Variants in ACACA observed in about 807,000 individuals in gnomAD.
ACACA encodes acetyl-CoA carboxylase 1.
A neutral mutation model predicts 296.1 loss-of-function variants in ACACA; 103 were observed. The ratio of observed to expected loss-of-function variants is 0.35; its 90% CI spans 0.30 to 0.41. The LOEUF is 0.41. ACACA is among the 10% of genes least tolerant of loss of function. The pLI, the probability that ACACA is intolerant of heterozygous loss-of-function variation, is 1.00. For missense variants in ACACA, 1,554 were observed against 2,989.7 expected (o/e 0.52, Z 11.20); for synonymous variants, 953 against 1,038.6 (o/e 0.92, Z 1.58).
In ACACA at chr17:37,171,684, C is replaced by T. The variant is rs575252044; in HGVS notation, c.5079+7576G>A. On this transcript the variant is annotated intron_variant, in intron 41 of 55. Transcript: ENST00000616317. ...CGATAAAAGGGTAAGAAAAATATAA[C>T]TTAGAGCAAAAAATTTTCATCCCAG... Among the ~76,000 whole-genome samples the T allele has an allele frequency of 3.9e-5, 6 of 151,902 alleles. No individual in the cohort carries two copies. The East Asian group carries it at 1.2e-3, about 29-fold the overall frequency.
chr17:37,107,576 A>C (rs2073762530), intron 52 of ACACA, among the ~76,000 whole-genome samples: 1 of 152,220 alleles, frequency 6.6e-6, no homozygotes, highest in South Asian at 2.1e-4. Context: ...GGCCAGCAGC[A>C]GTGCTCACTC....
chr17:37,221,487 A>G, intron 29 of ACACA: 2 of 569,374 alleles, frequency 3.5e-6, no homozygotes, highest in South Asian at 4.5e-5. Flanking sequence ...CCTCAGTGAC[A>G]TAATACAAGC....
At chr17:37,151,007 G>A (rs1234391747) in intron 44 of ACACA, among the ~76,000 whole-genome samples, 5 of 151,336 alleles carry the variant, frequency 3.3e-5, no homozygotes, top group Non-Finnish European at 5.9e-5. Flanking sequence ...AGCTGAGATC[G>A]TGCCACTGCA....
chr17:37,171,171 G>GT (rs575948048), intron 41 of ACACA, among the ~76,000 whole-genome samples: 53 of 151,978 alleles, frequency 3.5e-4, no homozygotes, highest in Admixed American at 1.8e-3. Flanking sequence ...ATGATCTTGA[G>GT]TTTTTTTTGG....
chr17:37,309,156 G>C (rs1398290379), intron 3 of ACACA, among the ~76,000 whole-genome samples: 1 of 151,996 alleles, frequency 6.6e-6, no homozygotes, highest in Non-Finnish European at 1.5e-5. Flanking sequence ...CGAGTAGCTA[G>C]GAATACAGGC....
At chr17:37,144,384 A>C (rs915020969) in intron 45 of ACACA, 1 of 414,726 alleles carries the variant, frequency 2.4e-6, no homozygotes, top group African/African-American at 2.1e-5. Context: ...AACCTCTTTA[A>C]GTTATGTGAA....
At chr17:37,352,969 G>A (rs1047341107) in intron 1 of ACACA, among the ~76,000 whole-genome samples, 5 of 152,270 alleles carry the variant, frequency 3.3e-5, no homozygotes, top group African/African-American at 7.2e-5. Flanking sequence ...CAGTTGCCCC[G>A]TGATGCCTTA....
At chr17:37,399,458 A>T (rs1248971332) in intron 1 of ACACA, among the ~76,000 whole-genome samples, 1 of 152,192 alleles carries the variant, frequency 6.6e-6, no homozygotes, top group Non-Finnish European at 1.5e-5. Flanking sequence ...AAATGATGCA[A>T]AATAATTTAG....
intron 14 of ACACA, among the ~76,000 whole-genome samples, chr17:37,256,179 T>A (rs988983555): frequency 2.6e-5 from 4 of 152,184 alleles, no homozygotes; most frequent in Non-Finnish European, 5.9e-5. Flanking sequence ...TTAAAAAAAA[T>A]TAACACTTTG....
intron 3 of ACACA, among the ~76,000 whole-genome samples, chr17:37,309,466 A>G (rs1228025121): frequency 1.3e-5 from 2 of 152,222 alleles, no homozygotes; most frequent in Non-Finnish European, 2.9e-5. Context: ...TAAAAACATT[A>G]CAAATTGTGA....
chr17:37,104,070 G>A (rs183860206), intron 52 of ACACA, among the ~76,000 whole-genome samples: 3 of 152,106 alleles, frequency 2.0e-5, no homozygotes, highest in Non-Finnish European at 4.4e-5. Context: ...GGAAGAAGAA[G>A]AATTATCTTG....
At chr17:37,364,305 G>C (rs996890524) in intron 1 of ACACA, among the ~76,000 whole-genome samples, 9 of 151,094 alleles carry the variant, frequency 6.0e-5, no homozygotes, top group Admixed American at 5.3e-4. Context: ...TCAAAAAAAA[G>C]AAAAGAGTCC....
chr17:37,405,360 TTG>T (rs1474965082), intron 1 of ACACA, among the ~76,000 whole-genome samples: 13 of 152,208 alleles, frequency 8.5e-5, no homozygotes. Context: ...AGACTTTGTT[TTG>T]TTCACTGCTG....
At chr17:37,376,154 T>C (rs1345377924) in intron 1 of ACACA, 2 of 1,607,336 alleles carry the variant, frequency 1.2e-6, no homozygotes, top group South Asian at 1.1e-5. Flanking sequence ...AAGAAAGGTA[T>C]GTAATTCTCT....
At chr17:37,263,922 A>C (rs752226248) in intron 10 of ACACA, 28 bp from the exon 11 acceptor site, 52 of 1,588,248 alleles carry the variant, frequency 3.3e-5, no homozygotes, top group Non-Finnish European at 3.9e-5. Context: ...GAAAAAAAAA[A>C]CCAATTCTTA....
Position 37,087,430 on chromosome 17 carries a change from C to T in ACACA, c.7038G>A (p.Gln2346=). The change falls in exon 56 of 56, where the codon CAG becomes CAA. Residue 2346 remains glutamine, a synonymous_variant. Coordinates refer to ENST00000616317, the MANE Select transcript of ACACA (RefSeq NM_198834.3). ...AATCCATGGCAACCTCTGGATTGGC[C>T]TGGACCAAGCTGGAAAGGAAGATTG... The part of the protein sequence containing the change: ...YVLKQIRSLV[Q]ANPEVAMDSI... 1.2e-6 allele frequency: 2 copies of T among 1,614,060 alleles called. No homozygotes were observed. The highest frequency in any genetic ancestry group is 1.7e-6 in the Non-Finnish European group (2 of 1,180,016).
intron 2 of ACACA, among the ~76,000 whole-genome samples, chr17:37,339,457 T>A (rs2048286615): frequency 1.3e-5 from 2 of 152,174 alleles, no homozygotes; most frequent in South Asian, 4.1e-4. Flanking sequence ...TGTGAACAGC[T>A]AAAAAGCCTG....
At chr17:37,386,063 T>C (rs1245194755) in intron 1 of ACACA, 1 of 1,606,528 alleles carries the variant, frequency 6.2e-7, no homozygotes, top group Non-Finnish European at 8.5e-7. Context: ...TCAGAGACTT[T>C]TCCCACCACT....
intron 45 of ACACA, among the ~76,000 whole-genome samples, chr17:37,148,474 A>G (rs2144062155): frequency 6.6e-6 from 1 of 152,344 alleles, no homozygotes; most frequent in Admixed American, 6.5e-5. Flanking sequence ...GATTCCTCTA[A>G]TTTCTGACAT....
Sources: allele counts gnomAD v4.1 joint callset (sites outside exome capture counted in the v4.1 genomes callset), GRCh38; gene constraint gnomAD v4.1.1; transcripts MANE v1.5; gene names NCBI Gene and HGNC (gene_info 2026-07-23, HGNC 2026-07-21).